SUCLG2: variants seen among roughly 807,000 people sequenced by gnomAD.
SUCLG2 encodes the protein succinate--CoA ligase [GDP-forming] subunit beta, mitochondrial.
In SUCLG2, 42 loss-of-function variants were observed where a neutral mutation model predicts 47.9. The ratio of observed to expected loss-of-function variants is 0.88; its 90% confidence interval spans 0.69 to 1.14. The LOEUF (loss-of-function observed/expected upper bound fraction) is 1.14. Among genes scored for constraint, SUCLG2 ranks in the 50% most tolerant of loss-of-function variants. The probability of loss-of-function intolerance (pLI) is 0.00; values close to 1 mark genes in which losing one functional copy is unlikely to be tolerated. For missense variants in SUCLG2, 571 were observed against 525.9 expected, an observed-to-expected ratio of 1.09 and a Z score of -0.84; for synonymous variants, 195 against 197.3, an observed-to-expected ratio of 0.99 and a Z score of 0.10.
At chr3:67,385,190 G>C (rs1371487451) in intron 10 of SUCLG2, among the ~76,000 whole-genome samples, 1 of 152,156 alleles carries the variant, frequency 6.6e-6, no homozygotes. Context: ...ACACTATAAG[G>C]CAGCACTTAG....
At chr3:67,367,927 T>G (rs1287280995) in intron 10 of SUCLG2, among the ~76,000 whole-genome samples, 7 of 152,330 alleles carry the variant, frequency 4.6e-5, no homozygotes, top group East Asian at 1.9e-4. Context: ...TTAGCATTAT[T>G]ACTTCTCTTT....
chr3:67,489,979 C>T (rs1234491665), intron 9 of SUCLG2, among the ~76,000 whole-genome samples: 1 of 152,118 alleles, frequency 6.6e-6, no homozygotes, highest in Non-Finnish European at 1.5e-5. Flanking sequence ...GAGGATAGAC[C>T]AAATAAGGCA....
intron 10 of SUCLG2, among the ~76,000 whole-genome samples, chr3:67,383,682 G>T (rs1338869942): frequency 1.3e-5 from 2 of 152,128 alleles, no homozygotes; most frequent in Non-Finnish European, 2.9e-5. Context: ...ATGCAAGCAA[G>T]GTTTAGGATC....
intron 9 of SUCLG2, among the ~76,000 whole-genome samples, chr3:67,439,912 C>T (rs1703716377): frequency 1.3e-5 from 2 of 152,098 alleles, no homozygotes; most frequent in African/African-American, 4.8e-5. Flanking sequence ...AGGAACAGCC[C>T]ATACAGCCAA....
intron 10 of SUCLG2, among the ~76,000 whole-genome samples, chr3:67,393,763 G>A (rs149218953): frequency 3.9e-5 from 6 of 152,156 alleles, no homozygotes; most frequent in Admixed American, 2.6e-4. Flanking sequence ...GCCTAACTGC[G>A]AGGCACCCCA....
intron 7 of SUCLG2, among the ~76,000 whole-genome samples, chr3:67,504,488 T>C (rs1705584857): frequency 6.6e-6 from 1 of 152,212 alleles, no homozygotes; most frequent in African/African-American, 2.4e-5. Context: ...CTGCTTCAAA[T>C]TGGATCTCAT....
downstream of SUCLG2, among the ~76,000 whole-genome samples, chr3:67,371,282 T>C (rs1380093646): frequency 6.6e-6 from 1 of 152,212 alleles, no homozygotes; most frequent in African/African-American, 2.4e-5. Flanking sequence ...ATTTTGGATT[T>C]GTGAAATTTG....
intron 2 of SUCLG2, among the ~76,000 whole-genome samples, chr3:67,602,414 C>T (rs746545437): frequency 2.6e-5 from 4 of 152,128 alleles, no homozygotes; most frequent in Non-Finnish European, 5.9e-5. Context: ...GCCCACAACC[C>T]GCCTTGATCT....
chr3:67,393,899 C>T (rs953575432), intron 10 of SUCLG2, among the ~76,000 whole-genome samples: 2 of 152,188 alleles, frequency 1.3e-5, no homozygotes, highest in African/African-American at 4.8e-5. Context: ...GCCACTGATA[C>T]CCAGGCAAAC....
intron 9 of SUCLG2, among the ~76,000 whole-genome samples, chr3:67,428,043 C>A (rs1381825269): frequency 6.6e-6 from 1 of 152,224 alleles, no homozygotes; most frequent in Non-Finnish European, 1.5e-5. Context: ...GGGGGCCGGG[C>A]ATAGCTGAAC....
At chr3:67,507,826 G>A (rs555057923) in intron 7 of SUCLG2, among the ~76,000 whole-genome samples, 26 of 152,302 alleles carry the variant, frequency 1.7e-4, no homozygotes, top group African/African-American at 5.1e-4. Context: ...GCAAGACACC[G>A]GAGGTGAAAT....
At chr3:67,601,270 T>C (rs1046031651) in intron 2 of SUCLG2, among the ~76,000 whole-genome samples, 5 of 152,178 alleles carry the variant, frequency 3.3e-5, no homozygotes, top group African/African-American at 1.2e-4. Flanking sequence ...AAAGAAAATA[T>C]GTTAATATTA....
intron 9 of SUCLG2, among the ~76,000 whole-genome samples, chr3:67,420,675 G>A (rs977722563): frequency 1.6e-4 from 24 of 152,138 alleles, no homozygotes; most frequent in Non-Finnish European, 1.0e-4. Context: ...ACACATGTAG[G>A]AGTCCTTTTC....
intron 9 of SUCLG2, among the ~76,000 whole-genome samples, chr3:67,408,148 G>T (rs967891160): frequency 2.0e-5 from 3 of 152,122 alleles, no homozygotes; most frequent in Non-Finnish European, 4.4e-5. Flanking sequence ...ATGGCAAGCT[G>T]CTCAGGCTCA....
intron 9 of SUCLG2, among the ~76,000 whole-genome samples, chr3:67,484,971 G>T (rs1177906514): frequency 6.6e-6 from 1 of 152,126 alleles, no homozygotes; most frequent in Non-Finnish European, 1.5e-5. Context: ...AAATAAAGGT[G>T]AGTTCATTTT....
At chr3:67,574,634 C>T (rs1362263021) in intron 2 of SUCLG2, among the ~76,000 whole-genome samples, 3 of 152,044 alleles carry the variant, frequency 2.0e-5, no homozygotes, top group East Asian at 1.9e-4. Context: ...GAAAAATCTT[C>T]GAGATGTGAC....
intron 9 of SUCLG2, among the ~76,000 whole-genome samples, chr3:67,459,498 T>C (rs1453356894): frequency 6.6e-6 from 1 of 152,210 alleles, no homozygotes; most frequent in African/African-American, 2.4e-5. Context: ...ATGAAGGCTT[T>C]TGCTTGGTGA....
At chr3:67,379,891 T>G (rs9816677) in intron 10 of SUCLG2, among the ~76,000 whole-genome samples, 25 of 152,142 alleles carry the variant, frequency 1.6e-4, no homozygotes, top group Non-Finnish European at 1.5e-5. Flanking sequence ...ATGGATGAAG[T>G]CTTATTGGGA....
At chr3:67,590,022 A>C (rs544347897) in intron 2 of SUCLG2, among the ~76,000 whole-genome samples, 2 of 152,228 alleles carry the variant, frequency 1.3e-5, no homozygotes, top group East Asian at 3.9e-4. Context: ...TTATATTTTG[A>C]ACATATGGTG....
Sources: allele counts gnomAD v4.1 joint callset (sites outside exome capture counted in the v4.1 genomes callset), GRCh38; gene constraint gnomAD v4.1.1; transcripts MANE v1.5; gene names NCBI Gene and HGNC (gene_info 2026-07-23, HGNC 2026-07-21).